Variants in GPR89B observed in about 807,000 individuals in gnomAD.
GPR89B encodes the protein G protein-coupled receptor 89B.
Under a neutral mutation model 52.4 loss-of-function variants are expected in GPR89B, and 25 were observed. The ratio of observed to expected loss-of-function variants is 0.48; its 90% CI spans 0.35 to 0.67. The LOEUF (loss-of-function observed/expected upper bound fraction) is 0.67, where lower values mean the gene tolerates loss of function less well. GPR89B is among the 30% of genes least tolerant of loss of function. GPR89B has a pLI of 0.01. For synonymous variants in GPR89B, 52 were observed against 151.2 expected (o/e 0.34, Z 4.81); for missense variants, 146 against 450.2 (o/e 0.32, Z 6.11).
At chr1:148,006,841 C>T in the GPR89B span, among the ~76,000 whole-genome samples, 1 of 151,118 alleles carries the variant, frequency 6.6e-6, no homozygotes, top group Non-Finnish European at 1.5e-5. Flanking sequence ...CTCAGCCTCT[C>T]GAGTAGCTGG....
At chr1:147,937,083 A>G (rs587739268) in intron 2 of GPR89B, among the ~76,000 whole-genome samples, 90 of 152,234 alleles carry the variant, frequency 5.9e-4, no homozygotes, top group African/African-American at 2.0e-3. Flanking sequence ...CCAGTCCCCA[A>G]TATTTCAACA....
chr1:147,973,621 C>G (rs1657629607), intron 10 of GPR89B, among the ~76,000 whole-genome samples: 1 of 151,552 alleles, frequency 6.6e-6, no homozygotes, highest in Non-Finnish European at 1.5e-5. Context: ...TGTTGGTTGT[C>G]TGTTCACCCT....
At chr1:147,951,036 A>G (rs1553250973) in intron 5 of GPR89B, among the ~76,000 whole-genome samples, 1 of 152,062 alleles carries the variant, frequency 6.6e-6, no homozygotes, top group African/African-American at 2.4e-5. Context: ...AAAAGAGCCA[A>G]TGAAACAAGG....
the GPR89B span, chr1:148,009,601 G>A: frequency 9.3e-6 from 13 of 1,395,428 alleles, no homozygotes; most frequent in East Asian, 2.8e-4. Context: ...ACCTAGGAGG[G>A]AAGAAGAAAA....
downstream of GPR89B, among the ~76,000 whole-genome samples, chr1:147,996,252 A>G (rs1400528939): frequency 6.6e-6 from 1 of 151,242 alleles, no homozygotes; most frequent in Non-Finnish European, 1.5e-5. Context: ...ATGACTGCCA[A>G]TCAGGGTTGA....
the GPR89B span, among the ~76,000 whole-genome samples, chr1:148,013,866 G>A: frequency 4.6e-5 from 7 of 151,742 alleles, 1 homozygote; most frequent in African/African-American, 1.7e-4. Context: ...CTGGGGAGGA[G>A]GAGGAGGCCG....
chr1:148,008,747 A>C, the GPR89B span, among the ~76,000 whole-genome samples: 10 of 152,132 alleles, frequency 6.6e-5, no homozygotes, highest in Non-Finnish European at 1.5e-5. Flanking sequence ...TCTTAGCCAG[A>C]GCTCAAAGAT....
At chr1:148,002,749 A>T in the GPR89B span, among the ~76,000 whole-genome samples, 1 of 152,092 alleles carries the variant, frequency 6.6e-6, no homozygotes, top group Non-Finnish European at 1.5e-5. Flanking sequence ...TCTCCAACCT[A>T]CCTTTCCAAC....
chr1:147,957,359 A>G (rs1277257918), intron 7 of GPR89B, among the ~76,000 whole-genome samples: 2 of 151,418 alleles, frequency 1.3e-5, no homozygotes, highest in South Asian at 2.1e-4. Flanking sequence ...AGAGGTAATA[A>G]TAATGAGTTA....
chr1:147,949,692 G>A (rs1463847894), intron 5 of GPR89B, among the ~76,000 whole-genome samples: 4 of 100,898 alleles, frequency 4.0e-5, no homozygotes, highest in Non-Finnish European at 8.0e-5. Flanking sequence ...CACCTCCTTC[G>A]CGGACGGGGC....
chr1:147,979,218 C>A (rs1449628395), intron 10 of GPR89B, among the ~76,000 whole-genome samples: 5 of 151,956 alleles, frequency 3.3e-5, no homozygotes, highest in African/African-American at 1.2e-4. Context: ...TTACCTCAGC[C>A]TGAAAGTGCA....
intron 10 of GPR89B, among the ~76,000 whole-genome samples, chr1:147,970,569 C>CTCTCTCTCTCTATATATA (rs1553253167): frequency 1.4e-5 from 2 of 142,582 alleles, no homozygotes. Context: ...CTCTCTCTCT[C>CTCTCTCTCTCTATATATA]TATATATATA....
chr1:147,935,655 A>G (rs1553247745), intron 1 of GPR89B, among the ~76,000 whole-genome samples: 1 of 152,220 alleles, frequency 6.6e-6, no homozygotes, highest in African/African-American at 2.4e-5. Context: ...AAGCAGATAT[A>G]AAAAATATTA....
intron 10 of GPR89B, 44 bp from the exon 11 acceptor site, chr1:147,986,155 G>A (rs1267515351): frequency 2.5e-6 from 4 of 1,609,594 alleles, no homozygotes; most frequent in African/African-American, 2.7e-5. Flanking sequence ...GAAATAGTAA[G>A]TGATTGTTAA....
intron 1 of GPR89B, among the ~76,000 whole-genome samples, chr1:147,929,621 A>C (rs1435573675): frequency 6.6e-6 from 1 of 152,152 alleles, no homozygotes; most frequent in African/African-American, 2.4e-5. Context: ...TGGGGGCTTA[A>C]AGTGAACTAA....
intron 5 of GPR89B, among the ~76,000 whole-genome samples, chr1:147,947,000 C>T (rs1655025091): frequency 6.6e-6 from 1 of 152,036 alleles, no homozygotes; most frequent in Non-Finnish European, 1.5e-5. Flanking sequence ...TTTCCCAGGA[C>T]TGTCCCAACA....
the GPR89B span, among the ~76,000 whole-genome samples, chr1:148,025,383 C>T: frequency 2.4e-4 from 36 of 151,444 alleles, no homozygotes; most frequent in African/African-American, 5.9e-4. Flanking sequence ...GATTGCCAGG[C>T]GCAGTGGCTC....
chr1:147,948,497 G>A (rs1295583889), intron 5 of GPR89B, among the ~76,000 whole-genome samples: 2 of 151,352 alleles, frequency 1.3e-5, no homozygotes, highest in South Asian at 4.2e-4. Flanking sequence ...TACAAATCAG[G>A]AGCTTAGGGA....
chr1:147,940,247 C>A (rs1282835797), intron 3 of GPR89B, among the ~76,000 whole-genome samples: 1 of 151,556 alleles, frequency 6.6e-6, no homozygotes, highest in Non-Finnish European at 1.5e-5. Context: ...ACTAAAAATA[C>A]AAAAAATTAG....
Sources: allele counts gnomAD v4.1 joint callset (sites outside exome capture counted in the v4.1 genomes callset), GRCh38; gene constraint gnomAD v4.1.1; transcripts MANE v1.5; gene names NCBI Gene and HGNC (gene_info 2026-07-23, HGNC 2026-07-21).